STK32B: variants seen among roughly 807,000 people sequenced by gnomAD.
The protein encoded by STK32B is serine/threonine kinase 32B, also known as serine/threonine-protein kinase 32B.
Under a neutral mutation model 52.6 loss-of-function variants are expected in STK32B, and 43 were observed. The ratio of observed to expected loss-of-function variants is 0.82; its 90% CI spans 0.64 to 1.05. The LOEUF is 1.05. Ranked by LOEUF, STK32B falls within the 50% of genes least tolerant of loss-of-function variation. The pLI is 0.00. For missense variants in STK32B, 621 were observed against 534.6 expected (o/e 1.16, Z -1.59); for synonymous variants, 238 against 204.3 (o/e 1.17, Z -1.41).
intron 1 of STK32B, among the ~76,000 whole-genome samples, chr4:5,089,685 G>A (rs535653128): frequency 4.7e-4 from 71 of 152,104 alleles, no homozygotes; most frequent in Non-Finnish European, 9.7e-4. Context: ...TGTCTTTATA[G>A]TACAATGATT....
chr4:5,160,943 G>A (rs867840961), intron 2 of STK32B, among the ~76,000 whole-genome samples: 2 of 152,162 alleles, frequency 1.3e-5, no homozygotes, highest in East Asian at 1.9e-4. Flanking sequence ...ACCTGTGGAT[G>A]CCTGAGAACA....
At chr4:5,346,514 C>CA (rs910357360) in intron 4 of STK32B, among the ~76,000 whole-genome samples, 32 of 152,166 alleles carry the variant, frequency 2.1e-4, no homozygotes, top group African/African-American at 7.5e-4. Flanking sequence ...GTGAAGCCGA[C>CA]AAAACCCAGA....
chr4:5,465,720 C>T (rs929028105), intron 9 of STK32B, among the ~76,000 whole-genome samples: 8 of 152,108 alleles, frequency 5.3e-5, no homozygotes, highest in African/African-American at 1.7e-4. Context: ...CTCAGCATCA[C>T]GCAGGTAAAA....
intron 3 of STK32B, among the ~76,000 whole-genome samples, chr4:5,303,277 G>A (rs9685741): frequency 0.14 from 20,919 of 152,054 alleles, 2,893 homozygotes; most frequent in African/African-American, 0.36. Flanking sequence ...CATACTGGTT[G>A]TAGTAGTTTT....
rs540499983 is a variant in STK32B at position 5,466,249 on chromosome 4, C to T, written c.910-454C>T. On this transcript the variant is annotated intron_variant, in intron 9 of 11. Transcript: ENST00000282908. ...TCAGCTGACTCTAGCTGCCAGGGGGCGGGAGGCGGGGGTACGGAGCAGGGA... is the reference window on the plus strand; with the variant it reads ...TCAGCTGACTCTAGCTGCCAGGGGGTGGGAGGCGGGGGTACGGAGCAGGGA... 5.3e-5 allele frequency among the ~76,000 whole-genome samples: 8 copies of T among 151,974 alleles called. No homozygotes were observed. The East Asian group carries it at 5.8e-4, about 11-fold the overall frequency.
intron 11 of STK32B, among the ~76,000 whole-genome samples, chr4:5,486,670 G>A (rs190139292): frequency 2.1e-4 from 32 of 152,310 alleles, no homozygotes; most frequent in South Asian, 1.2e-3. Context: ...TGTCTTCTGC[G>A]TCGCTCATGC....
chr4:5,141,991 T>C (rs1229156311), intron 2 of STK32B, among the ~76,000 whole-genome samples: 1 of 152,218 alleles, frequency 6.6e-6, no homozygotes, highest in African/African-American at 2.4e-5. Flanking sequence ...TTATTGGCTA[T>C]AATTGGTCAC....
chr4:5,368,064 T>C (rs1219602647), intron 4 of STK32B, among the ~76,000 whole-genome samples: 1 of 152,168 alleles, frequency 6.6e-6, no homozygotes, highest in African/African-American at 2.4e-5. Context: ...TCTGGGTTTC[T>C]TGCATCTCTA....
chr4:5,384,589 C>T (rs186180547), intron 4 of STK32B, among the ~76,000 whole-genome samples: 6 of 152,146 alleles, frequency 3.9e-5, no homozygotes, highest in Admixed American at 2.0e-4. Flanking sequence ...GCTGGGTGGG[C>T]GCAGTGCGGA....
intron 7 of STK32B, among the ~76,000 whole-genome samples, chr4:5,447,970 G>A (rs150845421): frequency 0.03 from 4,640 of 152,346 alleles, 105 homozygotes; most frequent in Non-Finnish European, 0.048. Flanking sequence ...ATGCCCATAG[G>A]AGGTGCCTTC....
chr4:5,029,109 C>T, the STK32B span, among the ~76,000 whole-genome samples: 5 of 152,150 alleles, frequency 3.3e-5, no homozygotes, highest in Non-Finnish European at 7.4e-5. Context: ...GTCCCCACCT[C>T]CAACACTAGG....
At chr4:5,033,427 C>A in the STK32B span, among the ~76,000 whole-genome samples, 1 of 152,178 alleles carries the variant, frequency 6.6e-6, no homozygotes, top group Non-Finnish European at 1.5e-5. Context: ...TTTCAGGAAG[C>A]CCCGTAGCCA....
chr4:5,193,280 C>G (rs769450249), intron 3 of STK32B, among the ~76,000 whole-genome samples: 1 of 152,160 alleles, frequency 6.6e-6, no homozygotes, highest in Non-Finnish European at 1.5e-5. Flanking sequence ...TCCCTCGCCC[C>G]TCATCCTCCT....
chr4:5,414,258 G>A (rs1462008331), intron 5 of STK32B, among the ~76,000 whole-genome samples: 1 of 151,674 alleles, frequency 6.6e-6, no homozygotes, highest in East Asian at 1.9e-4. Flanking sequence ...TAACATATAT[G>A]ATAATAATAT....
intron 6 of STK32B, chr4:5,435,715 G>A (rs1310513991): frequency 2.0e-5 from 3 of 152,150 alleles, no homozygotes; most frequent in Non-Finnish European, 4.4e-5. Flanking sequence ...CAGGGGATGA[G>A]GCACCAGAGA....
chr4:5,295,913 A>C (rs1729168220), intron 3 of STK32B, among the ~76,000 whole-genome samples: 1 of 151,526 alleles, frequency 6.6e-6, no homozygotes, highest in Admixed American at 6.6e-5. Context: ...TAGTCCTATA[A>C]ATTTCTCTCT....
intron 6 of STK32B, among the ~76,000 whole-genome samples, chr4:5,419,983 C>T (rs1028346646): frequency 3.3e-5 from 5 of 152,200 alleles, no homozygotes; most frequent in African/African-American, 9.6e-5. Context: ...TGCTTTCCAC[C>T]TATAATTTCA....
At chr4:5,240,080 C>G (rs1225911307) in intron 3 of STK32B, among the ~76,000 whole-genome samples, 8 of 151,462 alleles carry the variant, frequency 5.3e-5, no homozygotes, top group African/African-American at 1.9e-4. Context: ...CTCTGTCTCT[C>G]TCTCTCTCAT....
chr4:5,079,885 C>T (rs895493329), intron 1 of STK32B, among the ~76,000 whole-genome samples: 1 of 152,132 alleles, frequency 6.6e-6, no homozygotes, highest in Admixed American at 6.6e-5. Context: ...ACTCCATGAT[C>T]TCACTTATAT....
Sources: allele counts gnomAD v4.1 joint callset (sites outside exome capture counted in the v4.1 genomes callset), GRCh38; gene constraint gnomAD v4.1.1; transcripts MANE v1.5; gene names NCBI Gene and HGNC (gene_info 2026-07-23, HGNC 2026-07-21).